The following TENM2 variants were observed in gnomAD, a reference collection of about 807,000 sequenced individuals.
TENM2 encodes the protein teneurin-2.
A neutral mutation model predicts 245.2 loss-of-function variants in TENM2; 52 were observed. The ratio of observed to expected loss-of-function variants is 0.21; its 90% CI spans 0.17 to 0.27. TENM2 has a LOEUF of 0.27. TENM2 is among the 10% of genes least tolerant of loss of function. The pLI is 1.00. For synonymous variants in TENM2, 1,363 were observed against 1,438.9 expected (o/e 0.95, Z 1.19); for missense variants, 3,046 against 3,666.8 (o/e 0.83, Z 4.37).
intron 12 of TENM2, among the ~76,000 whole-genome samples, chr5:168,142,858 T>C (rs543469343): frequency 6.6e-5 from 10 of 152,324 alleles, no homozygotes; most frequent in Non-Finnish European, 1.0e-4. Flanking sequence ...GCCTGGAATA[T>C]AGTAGATGCT....
the TENM2 span, among the ~76,000 whole-genome samples, chr5:167,211,858 C>T: frequency 6.6e-6 from 1 of 152,044 alleles, no homozygotes; most frequent in Non-Finnish European, 1.5e-5. Flanking sequence ...AGATTGCACA[C>T]TTATTTGCCA....
chr5:167,324,445 A>C (rs1290618219), intron 1 of TENM2, among the ~76,000 whole-genome samples: 2 of 152,176 alleles, frequency 1.3e-5, no homozygotes, highest in Non-Finnish European at 2.9e-5. Context: ...TTTTTTCAAA[A>C]TATTTTAATC....
chr5:167,855,105 C>T (rs569063924), intron 2 of TENM2, among the ~76,000 whole-genome samples: 6 of 152,110 alleles, frequency 3.9e-5, no homozygotes, highest in Admixed American at 3.9e-4. Flanking sequence ...CTGAGGCCTC[C>T]CTCTTCTCCA....
At chr5:167,313,054 C>A (rs72829318) in intron 1 of TENM2, among the ~76,000 whole-genome samples, 2,171 of 152,120 alleles carry the variant, frequency 0.014, 38 homozygotes, top group Non-Finnish European at 0.017. Context: ...AGGCACGCAC[C>A]ACCACTCATG....
chr5:168,085,149 G>A (rs1289832689), intron 7 of TENM2, among the ~76,000 whole-genome samples: 1 of 152,212 alleles, frequency 6.6e-6, no homozygotes, highest in East Asian at 1.9e-4. Flanking sequence ...GTTTTGGGGA[G>A]GATGAAATGT....
intron 14 of TENM2, among the ~76,000 whole-genome samples, chr5:168,193,727 C>T (rs147074056): frequency 6.6e-6 from 1 of 152,196 alleles, no homozygotes; most frequent in Admixed American, 6.5e-5. Context: ...CACTGTGTAC[C>T]TTGTGGTCGT....
At chr5:167,325,672 G>A (rs1757035271) in intron 1 of TENM2, among the ~76,000 whole-genome samples, 1 of 152,156 alleles carries the variant, frequency 6.6e-6, no homozygotes, top group South Asian at 2.1e-4. Context: ...CTATACACTG[G>A]TCAGGGGTTT....
the TENM2 span, among the ~76,000 whole-genome samples, chr5:167,044,036 AGAAGGAAGGAAGGAAG>A: frequency 7.8e-6 from 1 of 128,514 alleles, no homozygotes; most frequent in East Asian, 2.4e-4. Context: ...TAGTAAGGAC[AGAAGGAAGGAAGGAAG>A]GAAGGAAGGA....
chr5:168,248,648 G>C (rs906088334), intron 27 of TENM2, among the ~76,000 whole-genome samples: 3 of 152,246 alleles, frequency 2.0e-5, no homozygotes, highest in Non-Finnish European at 4.4e-5. Flanking sequence ...GAGGAAAGCA[G>C]TAAGAAGCGG....
intron 2 of TENM2, among the ~76,000 whole-genome samples, chr5:167,776,284 T>C (rs1763767734): frequency 6.6e-6 from 1 of 151,466 alleles, no homozygotes; most frequent in Admixed American, 6.6e-5. Context: ...ACTATATATA[T>C]CAAATGTTTT....
At position 168,102,271 on chromosome 5, in the gene TENM2, C is replaced by G. The variant is rs140620884; in HGVS notation, c.1813+4144C>G. Among the ~76,000 whole-genome samples the G allele has an allele frequency of 3.2e-3, 487 of 152,230 alleles. 3 individuals are homozygous for G. Among genetic ancestry groups the G allele is most frequent in the African/African-American group, 0.011 (461 of 41,532 alleles). On this transcript the variant is annotated intron_variant, in intron 9 of 28. Transcript: ENST00000518659. ...TATGTTTAGTAAAGACGGGGTTTCT[C>G]CATGTTGGTCAGGCTGGTCTTGAAC...
intron 2 of TENM2, among the ~76,000 whole-genome samples, chr5:167,674,289 A>C (rs1350260647): frequency 6.6e-6 from 1 of 152,084 alleles, no homozygotes; most frequent in East Asian, 1.9e-4. Context: ...CTTAGGTCAA[A>C]AACTGATTAT....
the TENM2 span, among the ~76,000 whole-genome samples, chr5:167,105,850 T>C: frequency 1.7e-5 from 2 of 114,460 alleles, no homozygotes; most frequent in African/African-American, 7.1e-5. Flanking sequence ...ATCCCGCCAC[T>C]GCACTCCAGC....
intron 2 of TENM2, among the ~76,000 whole-genome samples, chr5:167,642,140 C>A (rs1289576361): frequency 9.8e-4 from 127 of 129,952 alleles, no homozygotes; most frequent in Middle Eastern, 4.0e-3. Context: ...GACGCTGTCT[C>A]AAAAAAAAAA....
At chr5:167,920,072 A>G (rs1274608256) in intron 3 of TENM2, among the ~76,000 whole-genome samples, 2 of 152,184 alleles carry the variant, frequency 1.3e-5, no homozygotes, top group African/African-American at 4.8e-5. Context: ...TAGAGAGGCT[A>G]TGGGAGGCAC....
chr5:168,230,407 G>GAAT (rs1275070590), intron 25 of TENM2, among the ~76,000 whole-genome samples: 1 of 152,194 alleles, frequency 6.6e-6, no homozygotes, highest in African/African-American at 2.4e-5. Context: ...ACTGTTTAGT[G>GAAT]AATGAAATGA....
At chr5:167,003,510 A>G in the TENM2 span, among the ~76,000 whole-genome samples, 77 of 152,320 alleles carry the variant, frequency 5.1e-4, no homozygotes, top group East Asian at 0.011. Context: ...AAATCACTTC[A>G]TGGCTCAAAT....
the TENM2 span, among the ~76,000 whole-genome samples, chr5:167,122,939 A>G: frequency 6.6e-6 from 1 of 152,128 alleles, no homozygotes; most frequent in Non-Finnish European, 1.5e-5. Context: ...CTGGAGAAGT[A>G]AACTGCAGGA....
At chr5:167,861,212 C>G (rs917291481) in intron 2 of TENM2, among the ~76,000 whole-genome samples, 2 of 152,136 alleles carry the variant, frequency 1.3e-5, no homozygotes, top group Non-Finnish European at 2.9e-5. Flanking sequence ...ATTTTCTCAT[C>G]TAATGCAAAA....
Sources: allele counts gnomAD v4.1 joint callset (sites outside exome capture counted in the v4.1 genomes callset), GRCh38; gene constraint gnomAD v4.1.1; transcripts MANE v1.5; gene names NCBI Gene and HGNC (gene_info 2026-07-23, HGNC 2026-07-21).